The following ATOSA variants were observed in gnomAD, a reference collection of about 807,000 sequenced individuals.
ATOSA encodes the protein atos homolog A.
chr15:52,640,807 T>C, the ATOSA span, among the ~76,000 whole-genome samples: 7 of 152,018 alleles, frequency 4.6e-5, no homozygotes, highest in Admixed American at 4.6e-4. Flanking sequence ...TACATACTTA[T>C]GGGGTAACAG....
chr15:52,632,105 GTATAC>G, the ATOSA span, among the ~76,000 whole-genome samples: 1 of 152,154 alleles, frequency 6.6e-6, no homozygotes, highest in African/African-American at 2.4e-5. Context: ...GAAGGTAGCT[GTATAC>G]CCATTAACTA....
the ATOSA span, among the ~76,000 whole-genome samples, chr15:52,687,407 A>AAAATAAATAAAT: frequency 6.6e-6 from 1 of 152,284 alleles, no homozygotes; most frequent in African/African-American, 2.4e-5. Context: ...TCCGTCTCAA[A>AAAATAAATAAAT]AAATAAATAA....
At chr15:52,587,267 A>G in the ATOSA span, 1 of 1,454,490 alleles carries the variant, frequency 6.9e-7, no homozygotes, top group Non-Finnish European at 9.4e-7. Flanking sequence ...GCATATGTAC[A>G]TAAAAGACTA....
the ATOSA span, among the ~76,000 whole-genome samples, chr15:52,650,622 A>C: frequency 6.6e-6 from 1 of 152,238 alleles, no homozygotes; most frequent in Non-Finnish European, 1.5e-5. Context: ...TAACACTGTT[A>C]AGACTTTCTA....
the ATOSA span, among the ~76,000 whole-genome samples, chr15:52,662,574 T>G: frequency 1.3e-5 from 2 of 151,980 alleles, no homozygotes; most frequent in East Asian, 1.9e-4. Flanking sequence ...ATCGAGACCA[T>G]CCTGGCTAAC....
chr15:52,653,290 T>G, the ATOSA span, among the ~76,000 whole-genome samples: 1 of 152,128 alleles, frequency 6.6e-6, no homozygotes, highest in African/African-American at 2.4e-5. Flanking sequence ...AAGCCACAAA[T>G]AGCATGCAAT....
chr15:52,648,250 C>T, the ATOSA span, among the ~76,000 whole-genome samples: 10 of 152,070 alleles, frequency 6.6e-5, no homozygotes, highest in East Asian at 1.9e-3. Context: ...GATACTAAGG[C>T]CCAGAAGGTG....
At chr15:52,643,404 G>A in the ATOSA span, among the ~76,000 whole-genome samples, 1 of 151,138 alleles carries the variant, frequency 6.6e-6, no homozygotes, top group East Asian at 2.0e-4. Flanking sequence ...GGATCCTCCC[G>A]CCTCAGCCTC....
chr15:52,605,317 G>T, the ATOSA span: 1 of 1,098,726 alleles, frequency 9.1e-7, no homozygotes, highest in Non-Finnish European at 1.3e-6. Context: ...CAGTGTTTTT[G>T]TTTTTAGACT....
the ATOSA span, among the ~76,000 whole-genome samples, chr15:52,666,370 A>T: frequency 6.6e-6 from 1 of 152,178 alleles, no homozygotes; most frequent in Non-Finnish European, 1.5e-5. Flanking sequence ...ATTCATCTGT[A>T]TGTTTCCAGA....
chr15:52,621,611 AGAGT>A, the ATOSA span, among the ~76,000 whole-genome samples: 2,668 of 152,138 alleles, frequency 0.018, 81 homozygotes, highest in African/African-American at 0.061. Context: ...TGTTCTTGTG[AGAGT>A]GAGTAAGTCT....
the ATOSA span, among the ~76,000 whole-genome samples, chr15:52,673,129 A>G: frequency 3.0e-4 from 46 of 152,238 alleles, no homozygotes; most frequent in Non-Finnish European, 5.3e-4. Flanking sequence ...TTTGAATGCT[A>G]AGTGCCAGCC....
At chr15:52,686,233 G>A in the ATOSA span, among the ~76,000 whole-genome samples, 2 of 152,158 alleles carry the variant, frequency 1.3e-5, no homozygotes, top group African/African-American at 4.8e-5. Flanking sequence ...TTTCATCAGA[G>A]TATATCAGTT....
chr15:52,655,934 T>G, the ATOSA span: 1 of 152,126 alleles, frequency 6.6e-6, no homozygotes, highest in African/African-American at 2.4e-5. Context: ...CCTAGGTCAG[T>G]ACTCCGCTCT....
At chr15:52,674,664 T>C in the ATOSA span, among the ~76,000 whole-genome samples, 1 of 152,138 alleles carries the variant, frequency 6.6e-6, no homozygotes, top group Non-Finnish European at 1.5e-5. Context: ...ATTAAAAAAT[T>C]ATTAATCTGC....
chr15:52,665,237 A>C, the ATOSA span, among the ~76,000 whole-genome samples: 1 of 152,210 alleles, frequency 6.6e-6, no homozygotes, highest in African/African-American at 2.4e-5. Flanking sequence ...ATGAATCTGC[A>C]TGTGTACCCC....
the ATOSA span, among the ~76,000 whole-genome samples, chr15:52,667,439 C>G: frequency 6.6e-6 from 1 of 152,196 alleles, no homozygotes; most frequent in African/African-American, 2.4e-5. Flanking sequence ...TGAGTATAAA[C>G]TGTATATTAG....
chr15:52,643,085 A>C, the ATOSA span, among the ~76,000 whole-genome samples: 1 of 152,072 alleles, frequency 6.6e-6, no homozygotes, highest in African/African-American at 2.4e-5. Context: ...TATTCCACTA[A>C]ATCACTAGAA....
At chr15:52,606,983 G>A in the ATOSA span, among the ~76,000 whole-genome samples, 1 of 151,972 alleles carries the variant, frequency 6.6e-6, no homozygotes, top group Non-Finnish European at 1.5e-5. Context: ...TGGTTTGGTA[G>A]GAAATCAAAT....
Sources: allele counts gnomAD v4.1 joint callset (sites outside exome capture counted in the v4.1 genomes callset), GRCh38; gene constraint gnomAD v4.1.1; transcripts MANE v1.5; gene names NCBI Gene and HGNC (gene_info 2026-07-23, HGNC 2026-07-21).